Variants in IL17F observed in about 807,000 individuals in gnomAD.
IL17F encodes interleukin 17F.
Under a neutral mutation model 8.3 loss-of-function variants are expected in IL17F, and 6 were observed. That is an observed-to-expected ratio of 0.73 (90% CI 0.40 to 1.43). The LOEUF is 1.43. Among genes scored for constraint, IL17F ranks in the 40% most tolerant of loss-of-function variants. The pLI is 0.02. For missense variants in IL17F, 204 were observed against 209.6 expected, an observed-to-expected ratio of 0.97 and a Z score of 0.17; for synonymous variants, 98 against 81.6, an observed-to-expected ratio of 1.20 and a Z score of -1.08.
intron 1 of IL17F, among the ~76,000 whole-genome samples, chr6:52,243,306 T>C (rs1280295351): frequency 6.6e-6 from 1 of 152,198 alleles, no homozygotes; most frequent in Non-Finnish European, 1.5e-5. Context: ...TATAGTAAAT[T>C]CTTCTCAGGC....
At chr6:52,244,346 T>C in intron 1 of IL17F, 51 bp downstream of exon 1, 2 of 1,569,064 alleles carry the variant, frequency 1.3e-6, no homozygotes, top group African/African-American at 1.3e-5. Flanking sequence ...TTCTGTTTTC[T>C]GAAATCCTAG....
In IL17F at chr6:52,244,407, C is replaced by A. The variant is rs533677189; in HGVS notation, c.23G>T (p.Gly8Val). 3.1e-6 allele frequency: 5 copies of A among 1,613,962 alleles called. No homozygotes were observed. In the South Asian group the frequency reaches 4.4e-5, roughly 14 times the overall value. The change falls in exon 1 of 3, where the codon GGC becomes GTC. Residue 8 changes from glycine (G) to valine (V), a missense_variant. Gly to Val is a moderately radical substitution (Grantham distance 109, BLOSUM62 -3). Coordinates refer to ENST00000336123, the MANE Select transcript of IL17F (RefSeq NM_052872.4). Reference sequence around the variant, plus strand: ...ATTGCTGCTACTCACCATGGCTGGGCCATGCAGGGTCTTCACTGTCATGTT... The same window carrying A: ...ATTGCTGCTACTCACCATGGCTGGGACATGCAGGGTCTTCACTGTCATGTT... MTVKTLH[G>V]PAMVKYLLLS...
Position 52,236,902 on chromosome 6 carries a change from G to C in IL17F, c.*29C>G. 1 of 1,571,050 alleles carries C rather than the reference G, an allele frequency of 6.4e-7. No individual in the cohort carries two copies. The highest frequency in any genetic ancestry group is 8.8e-7 in the Non-Finnish European group (1 of 1,140,800). ...CTGGGTAAGGAGTGGCATTTCTACA[G>C]CTTCTTCAGCTGAGTGGATATGCAC... On this transcript the variant is annotated 3_prime_UTR_variant, in exon 3 of 3. Transcript: ENST00000336123.
chr6:52,244,583 G>T, upstream of IL17F: 2 of 740,988 alleles, frequency 2.7e-6, no homozygotes, highest in South Asian at 1.6e-5. Context: ...AGTTGTGGTT[G>T]ACCCGGAGTT....
Position 52,236,839 on chromosome 6 carries a change from G to A in IL17F, c.*92C>T, listed in dbSNP as rs1217647337. ...GTCTTATTAAGAGTCCTGTGAAGTG[G>A]AGGGAATTGGGGGTCAGACAGGACT... is the stretch of plus-strand genomic sequence containing the variant. On this transcript the variant is annotated 3_prime_UTR_variant, in exon 3 of 3. Transcript: ENST00000336123. The A allele has an allele frequency of 3.6e-5, 34 of 952,618 alleles. No homozygotes were observed. Among genetic ancestry groups the A allele is most frequent in the East Asian group, 3.1e-4 (13 of 41,888 alleles). 59.0% of individuals were successfully genotyped at this position (952,618 alleles called of 1,614,324 possible).
Position 52,236,900 on chromosome 6 carries a change from C to T in IL17F, c.*31G>A. The T allele has an allele frequency of 6.4e-7, 1 of 1,568,248 alleles. No individual in the cohort carries two copies. The highest frequency in any genetic ancestry group is 8.8e-7 in the Non-Finnish European group (1 of 1,138,346). ...CACTGGGTAAGGAGTGGCATTTCTA[C>T]AGCTTCTTCAGCTGAGTGGATATGC... On this transcript the variant is annotated 3_prime_UTR_variant, in exon 3 of 3. Transcript: ENST00000336123.
At position 52,237,169 on chromosome 6, in the gene IL17F, C is replaced by T; in HGVS notation, c.255-1G>A. 1 of 1,612,538 alleles carries T rather than the reference C, an allele frequency of 6.2e-7. No homozygotes were observed. Among genetic ancestry groups the T allele is most frequent in the Non-Finnish European group, 8.5e-7 (1 of 1,178,760 alleles). On this transcript the variant is annotated splice_acceptor_variant, in intron 2 of 2. Coordinates refer to ENST00000336123, the MANE Select transcript of IL17F (RefSeq NM_052872.4). LOFTEE classifies it high-confidence loss of function. ...GTACCGGTTGGGGTCCCAAGTGACACTGCAGGAGGAGCAAGCCAAAGCACA... is the reference window on the plus strand; with the variant it reads ...GTACCGGTTGGGGTCCCAAGTGACATTGCAGGAGGAGCAAGCCAAAGCACA...
chr6:52,244,539 G>T, upstream of IL17F: 1 of 1,083,422 alleles, frequency 9.2e-7, no homozygotes, highest in Non-Finnish European at 1.4e-6. Context: ...AGCAATCATT[G>T]CCCCTGTTTC....
chr6:52,243,351 T>G (rs573118071), intron 1 of IL17F, among the ~76,000 whole-genome samples: 2 of 152,226 alleles, frequency 1.3e-5, no homozygotes, highest in Non-Finnish European at 2.9e-5. Context: ...ATTCCAGACC[T>G]GCTGGGGCTA....
chr6:52,242,723 A>G (rs907890889), intron 1 of IL17F, among the ~76,000 whole-genome samples: 1 of 152,262 alleles, frequency 6.6e-6, no homozygotes, highest in Non-Finnish European at 1.5e-5. Context: ...GTTCATCTGT[A>G]TAAAGTGGAA....
At chr6:52,244,889 C>T (rs1285646312), upstream of IL17F, among the ~76,000 whole-genome samples, 1 of 152,168 alleles carries the variant, frequency 6.6e-6, no homozygotes, top group Non-Finnish European at 1.5e-5. Context: ...TGGGAGAAAA[C>T]TCATCCTTAG....
At chr6:52,237,211 G>T (rs751869421) in intron 2 of IL17F, 43 bp from the exon 3 acceptor site, 7 of 1,468,326 alleles carry the variant, frequency 4.8e-6, no homozygotes, top group Non-Finnish European at 6.7e-6. Flanking sequence ...AGGCATGGGG[G>T]AGGAAGACAG....
intron 1 of IL17F, among the ~76,000 whole-genome samples, chr6:52,241,519 T>C (rs1389273332): frequency 6.6e-6 from 1 of 152,250 alleles, no homozygotes; most frequent in African/African-American, 2.4e-5. Flanking sequence ...TCATACTCAC[T>C]GAATCACTAT....
intron 2 of IL17F, 93 bp from the exon 3 acceptor site, chr6:52,237,261 G>A: frequency 1.0e-6 from 1 of 954,714 alleles, no homozygotes; most frequent in South Asian, 1.5e-5. Flanking sequence ...CACCTGCAGG[G>A]AGGCAGTTCT....
In IL17F at chr6:52,236,770, A is replaced by G; in HGVS notation, c.*161T>C. 1 of 719,412 alleles carries G rather than the reference A, an allele frequency of 1.4e-6. No individual in the cohort carries two copies. Among genetic ancestry groups the G allele is most frequent in the Non-Finnish European group, 2.5e-6 (1 of 393,058 alleles). 44.6% of individuals were successfully genotyped at this position (719,412 alleles called of 1,614,324 possible). A position where few individuals can be genotyped will look rare whatever the true frequency, so the allele number is the denominator to read the frequency against. ...AGATATCAAATATAAAGTGTAGTAC[A>G]TACACACATACATTGTGAATATTTT... On this transcript the variant is annotated 3_prime_UTR_variant, in exon 3 of 3. Transcript: ENST00000336123.
chr6:52,238,534 A>G (rs1582260580), intron 2 of IL17F, among the ~76,000 whole-genome samples, 196 bp downstream of exon 2: 1 of 152,272 alleles, frequency 6.6e-6, no homozygotes, highest in African/African-American at 2.4e-5. Context: ...GAAGCAAAAT[A>G]TTAGGACCAT....
intron 2 of IL17F, among the ~76,000 whole-genome samples, chr6:52,237,645 A>T (rs1434554101): frequency 6.6e-6 from 1 of 151,702 alleles, no homozygotes; most frequent in Non-Finnish European, 1.5e-5. Context: ...CCTTCTCTCC[A>T]TTTCTCCTTT....
chr6:52,240,438 GAA>G (rs34052816), intron 1 of IL17F, among the ~76,000 whole-genome samples: 23 of 96,340 alleles, frequency 2.4e-4, no homozygotes, highest in East Asian at 5.9e-4. Context: ...CTCCTGCTTG[GAA>G]AAAAAAAAAA....
chr6:52,241,370 G>A (rs1348228245), intron 1 of IL17F, among the ~76,000 whole-genome samples: 5 of 151,942 alleles, frequency 3.3e-5, no homozygotes, highest in African/African-American at 9.7e-5. Flanking sequence ...GAGCTACCGC[G>A]CCTGGCCTGC....
Sources: gnomAD v4.1 joint callset for allele counts (sites outside exome capture counted in the v4.1 genomes callset) on GRCh38, gnomAD v4.1.1 for gene constraint, MANE v1.5 for transcripts, NCBI Gene and HGNC (gene_info 2026-07-23, HGNC 2026-07-21) for gene names.